The following NRG1 variants were observed in gnomAD, a reference collection of about 807,000 sequenced individuals.
NRG1 encodes the protein pro-neuregulin-1, membrane-bound isoform.
In NRG1, 18 loss-of-function variants were observed where a neutral mutation model predicts 63.8. That is an observed-to-expected ratio of 0.28 (90% CI 0.19 to 0.42). The LOEUF (loss-of-function observed/expected upper bound fraction) is 0.42, where lower values mean the gene tolerates loss of function less well. Among genes scored for constraint, NRG1 ranks in the 10% least tolerant of loss-of-function variants. NRG1 has a pLI of 1.00. For synonymous variants in NRG1, 302 were observed against 301.3 expected, an observed-to-expected ratio of 1.00 and a Z score of -0.02; for missense variants, 762 against 814.7, an observed-to-expected ratio of 0.94 and a Z score of 0.79.
chr8:31,732,128 T>G (rs1053291388), intron 1 of NRG1, among the ~76,000 whole-genome samples: 1 of 152,200 alleles, frequency 6.6e-6, no homozygotes, highest in Non-Finnish European at 1.5e-5. Context: ...TTCTTGGTGA[T>G]GACAGCAGGG....
intron 1 of NRG1, among the ~76,000 whole-genome samples, chr8:32,305,958 C>T (rs533517326): frequency 6.6e-6 from 1 of 152,272 alleles, no homozygotes. Context: ...CTTCTCTGAG[C>T]CTCTTTTCTT....
chr8:32,425,281 G>A, intron 1 of NRG1, among the ~76,000 whole-genome samples: 1 of 152,196 alleles, frequency 6.6e-6, no homozygotes, highest in East Asian at 1.9e-4. Flanking sequence ...TTGGGATAAT[G>A]TCAATGTTTT....
At chr8:32,133,142 T>C (rs957901) in intron 1 of NRG1, among the ~76,000 whole-genome samples, 68,090 of 151,874 alleles carry the variant, frequency 0.45, 16,111 homozygotes, top group Admixed American at 0.53. Context: ...CTGAAGCTTC[T>C]CCAACATCAT....
intron 1 of NRG1, among the ~76,000 whole-genome samples, chr8:32,438,739 T>C (rs1255110713): frequency 6.6e-6 from 1 of 152,188 alleles, no homozygotes; most frequent in Non-Finnish European, 1.5e-5. Context: ...GATCAGTGCA[T>C]AGTGATAGCT....
At chr8:31,833,033 G>A (rs776532383) in intron 1 of NRG1, among the ~76,000 whole-genome samples, 1 of 152,074 alleles carries the variant, frequency 6.6e-6, no homozygotes, top group Non-Finnish European at 1.5e-5. Context: ...ACAACCACCC[G>A]AGAACCCCAG....
chr8:32,412,515 CCTGA>C (rs1321507503), intron 1 of NRG1, among the ~76,000 whole-genome samples: 2 of 134,074 alleles, frequency 1.5e-5, no homozygotes, highest in South Asian at 2.4e-4. Context: ...TCTGGAGAAC[CCTGA>C]CTAATATACA....
intron 5 of NRG1, among the ~76,000 whole-genome samples, chr8:32,648,670 T>C (rs1384450551): frequency 6.6e-6 from 1 of 152,210 alleles, no homozygotes; most frequent in Admixed American, 6.5e-5. Context: ...TGAATTTAAG[T>C]TAAATTCAAT....
At chr8:32,207,745 T>G (rs1844225122) in intron 1 of NRG1, among the ~76,000 whole-genome samples, 1 of 152,196 alleles carries the variant, frequency 6.6e-6, no homozygotes, top group Non-Finnish European at 1.5e-5. Context: ...AATATCTGAC[T>G]GTTTGACTGA....
chr8:31,860,587 C>T lies in NRG1; in HGVS notation c.37+221156C>T, dbSNP rs553103797. On this transcript the variant is annotated intron_variant, in intron 1 of 10. Coordinates refer to the NRG1 transcript ENST00000519301. ...TACTGAATTGTGACTGGCAGGTGTG[C>T]CCCACCATAATAATAATGATGACAA... Among the ~76,000 whole-genome samples the T allele has an allele frequency of 3.3e-5, 5 of 152,164 alleles. No homozygotes were observed. In the South Asian group the frequency reaches 8.3e-4, roughly 25 times the overall value.
chr8:32,133,415 A>G (rs1835106926), intron 1 of NRG1, among the ~76,000 whole-genome samples: 1 of 152,128 alleles, frequency 6.6e-6, no homozygotes, highest in South Asian at 2.1e-4. Flanking sequence ...AATCAGGGCC[A>G]TACAAGATGT....
intron 1 of NRG1, among the ~76,000 whole-genome samples, chr8:31,875,519 C>A (rs147370405): frequency 1.3e-5 from 2 of 152,112 alleles, no homozygotes; most frequent in Non-Finnish European, 2.9e-5. Flanking sequence ...GAGACCTAAA[C>A]ATGGCAAAAA....
chr8:31,711,430 T>C (rs1387738363), intron 1 of NRG1, among the ~76,000 whole-genome samples: 1 of 152,230 alleles, frequency 6.6e-6, no homozygotes, highest in Non-Finnish European at 1.5e-5. Flanking sequence ...TAGAGAAATC[T>C]GATTTTCATG....
intron 5 of NRG1, chr8:32,721,731 C>A: frequency 2.6e-6 from 2 of 769,862 alleles, no homozygotes; most frequent in Non-Finnish European, 3.5e-6. Flanking sequence ...AATGACAAGG[C>A]TTCCGTGGTT....
chr8:31,669,253 T>TC (rs1806860592), intron 1 of NRG1, among the ~76,000 whole-genome samples: 1 of 150,808 alleles, frequency 6.6e-6, no homozygotes, highest in African/African-American at 2.4e-5. Flanking sequence ...TCTTTTTTTT[T>TC]TTGAAATGGA....
intron 3 of NRG1, among the ~76,000 whole-genome samples, chr8:32,610,872 T>G (rs1693019687): frequency 6.6e-6 from 1 of 152,150 alleles, no homozygotes; most frequent in African/African-American, 2.4e-5. Context: ...AGTGAATTCC[T>G]TTCATGAATT....
intron 1 of NRG1, among the ~76,000 whole-genome samples, chr8:31,935,591 A>T (rs974830790): frequency 3.3e-5 from 5 of 152,172 alleles, no homozygotes; most frequent in African/African-American, 4.8e-5. Flanking sequence ...TGAGAAACTG[A>T]ACCTCAGAGA....
chr8:32,012,617 C>T (rs1329658071), intron 1 of NRG1, among the ~76,000 whole-genome samples: 1 of 152,012 alleles, frequency 6.6e-6, no homozygotes, highest in Non-Finnish European at 1.5e-5. Context: ...CATTTTGTCT[C>T]CATCATTTAT....
At chr8:32,336,481 G>A (rs530445950) in intron 1 of NRG1, among the ~76,000 whole-genome samples, 1 of 152,128 alleles carries the variant, frequency 6.6e-6, no homozygotes, top group South Asian at 2.1e-4. Flanking sequence ...CCTCATGGCA[G>A]GAATGAGCCT....
intron 1 of NRG1, among the ~76,000 whole-genome samples, chr8:31,671,717 G>A (rs1220191127): frequency 1.3e-5 from 2 of 152,126 alleles, no homozygotes; most frequent in African/African-American, 4.8e-5. Context: ...GGAGCAAAGG[G>A]AACATTTTCG....
Sources: gnomAD v4.1 joint callset for allele counts (sites outside exome capture counted in the v4.1 genomes callset) on GRCh38, gnomAD v4.1.1 for gene constraint, MANE v1.5 for transcripts, NCBI Gene and HGNC (gene_info 2026-07-23, HGNC 2026-07-21) for gene names.